Variants in COL6A6 observed in about 807,000 individuals in gnomAD.
COL6A6 encodes the protein collagen type VI alpha 6 chain.
A neutral mutation model predicts 208.6 loss-of-function variants in COL6A6; 183 were observed. That is an observed-to-expected ratio of 0.88 (90% confidence interval 0.78 to 0.99). COL6A6 has a LOEUF of 0.99. Ranked by LOEUF, COL6A6 falls within the 50% of genes least tolerant of loss-of-function variation. COL6A6 has a pLI of 0.00. For missense variants in COL6A6, 2,816 were observed against 2,815.2 expected (o/e 1.00, Z -0.01); for synonymous variants, 973 against 1,011.8 (o/e 0.96, Z 0.73).
intron 11 of COL6A6, 143 bp from the exon 12 acceptor site, chr3:130,588,947 G>A (rs2063607772): frequency 2.9e-6 from 1 of 341,352 alleles, no homozygotes; most frequent in Non-Finnish European, 5.4e-6. Context: ...AAAGTTTCAT[G>A]CATTCTTTCT....
chr3:130,636,582 A>G (rs1007083608), intron 28 of COL6A6, among the ~76,000 whole-genome samples: 1 of 152,146 alleles, frequency 6.6e-6, no homozygotes, highest in Non-Finnish European at 1.5e-5. Flanking sequence ...ATAAAAATGT[A>G]TACTTGAAAT....
chr3:130,538,260 T>C (rs559680308), intron 1 of COL6A6, among the ~76,000 whole-genome samples: 10 of 152,304 alleles, frequency 6.6e-5, no homozygotes, highest in Admixed American at 3.9e-4. Context: ...AGGGAGATAA[T>C]GGCTGTGAAA....
intron 20 of COL6A6, 112 bp from the exon 21 acceptor site, chr3:130,606,819 A>G (rs1244972543): frequency 8.4e-6 from 6 of 714,452 alleles, no homozygotes; most frequent in East Asian, 2.8e-5. Flanking sequence ...TGTAAGCACT[A>G]TGTGGGAATT....
chr3:130,554,415 G>A (rs1236314964), intron 1 of COL6A6, among the ~76,000 whole-genome samples: 1 of 152,190 alleles, frequency 6.6e-6, no homozygotes, highest in African/African-American at 2.4e-5. Flanking sequence ...AGGTGGAGGT[G>A]CTGGTGTTTC....
intron 23 of COL6A6, among the ~76,000 whole-genome samples, chr3:130,620,003 T>C (rs1204706842): frequency 2.0e-5 from 3 of 152,158 alleles, no homozygotes; most frequent in East Asian, 1.9e-4. Flanking sequence ...GACACAATTA[T>C]AGCTAATTGC....
intron 35 of COL6A6, among the ~76,000 whole-genome samples, chr3:130,664,551 AG>A (rs1404698156): frequency 2.0e-5 from 3 of 152,252 alleles, no homozygotes; most frequent in Non-Finnish European, 2.9e-5. Context: ...AAATGAAATG[AG>A]CCACTAATGA....
chr3:130,519,920 A>G (rs1710965765), intron 1 of COL6A6, among the ~76,000 whole-genome samples: 1 of 152,226 alleles, frequency 6.6e-6, no homozygotes, highest in African/African-American at 2.4e-5. Context: ...CATGGAATGT[A>G]ATACATGATT....
chr3:130,526,859 T>C (rs558877110), intron 1 of COL6A6, among the ~76,000 whole-genome samples: 40 of 152,186 alleles, frequency 2.6e-4, no homozygotes, highest in Non-Finnish European at 5.3e-4. Context: ...ACCCACTGCC[T>C]GACTGCCTAC....
At chr3:130,675,125 A>G (rs2066326091) in intron 36 of COL6A6, 77 bp from the exon 37 acceptor site, 2 of 960,202 alleles carry the variant, frequency 2.1e-6, no homozygotes, top group South Asian at 2.6e-5. Flanking sequence ...CAATTAATTT[A>G]CTATGACAGA....
Position 130,675,502 on chromosome 3 carries a change from G to A in COL6A6, c.*105G>A. On this transcript the variant is annotated 3_prime_UTR_variant, in exon 37 of 37. Transcript: ENST00000358511. Reference sequence around the variant, plus strand: ...TCAAGCAACAGTTTGTAGGTTATCAGGTGACTTGACCCCCTGCATTCATTG... The same window carrying A: ...TCAAGCAACAGTTTGTAGGTTATCAAGTGACTTGACCCCCTGCATTCATTG... 1 of 805,368 alleles carries A rather than the reference G, an allele frequency of 1.2e-6. No homozygotes were observed. 49.9% of individuals were successfully genotyped at this position (805,368 alleles called of 1,614,324 possible).
At chr3:130,654,297 AT>A (rs5852604) in intron 33 of COL6A6, among the ~76,000 whole-genome samples, 28,065 of 151,432 alleles carry the variant, frequency 0.19, 2,911 homozygotes, top group South Asian at 0.36. Context: ...ATGTTCCATG[AT>A]TTTTTTTTCC....
intron 1 of COL6A6, among the ~76,000 whole-genome samples, chr3:130,542,999 G>A (rs1033094507): frequency 6.8e-6 from 1 of 147,340 alleles, no homozygotes; most frequent in African/African-American, 2.5e-5. Context: ...TCCGCCTCCC[G>A]GGTTCAAGGG....
intron 1 of COL6A6, among the ~76,000 whole-genome samples, chr3:130,523,636 G>A (rs1466158675): frequency 6.6e-6 from 1 of 152,172 alleles, no homozygotes; most frequent in Non-Finnish European, 1.5e-5. Flanking sequence ...GATTCAGCAA[G>A]GTAGAACTAG....
chr3:130,626,155 C>T lies in COL6A6; in HGVS notation c.4879-330C>T, dbSNP rs535211207. ...AAAACTAGATTAATCAATCTGCCATCTTTGCAGAGGCCAGATGATTTGCAT... is the reference window on the plus strand; with the variant it reads ...AAAACTAGATTAATCAATCTGCCATTTTTGCAGAGGCCAGATGATTTGCAT... On this transcript the variant is annotated intron_variant, in intron 24 of 36. Transcript: ENST00000358511. Among the ~76,000 whole-genome samples the T allele has an allele frequency of 6.6e-5, 10 of 152,342 alleles. No homozygotes were observed. The East Asian group carries it at 1.2e-3, about 18-fold the overall frequency.
Position 130,662,324 on chromosome 3 carries a change from T to C in COL6A6, c.6502+16T>C. Reference sequence around the variant, plus strand: ...TCAATCAGGCGTAAGTCATAAAATCTGTTGTTCTCTGCACTTTAAGAATAT... The same window carrying C: ...TCAATCAGGCGTAAGTCATAAAATCCGTTGTTCTCTGCACTTTAAGAATAT... On this transcript the variant is annotated intron_variant, in intron 35 of 36. Coordinates refer to ENST00000358511, the MANE Select transcript of COL6A6 (RefSeq NM_001102608.3). 1 of 1,600,132 alleles carries C rather than the reference T, an allele frequency of 6.2e-7. No individual in the cohort carries two copies. Among genetic ancestry groups the C allele is most frequent in the South Asian group, 1.1e-5 (1 of 90,224 alleles).
At chr3:130,560,978 C>T (rs2062868881) in intron 2 of COL6A6, among the ~76,000 whole-genome samples, 1 of 152,238 alleles carries the variant, frequency 6.6e-6, no homozygotes, top group African/African-American at 2.4e-5. Flanking sequence ...GAGCAACTTA[C>T]ATTGGCTTTT....
At chr3:130,517,475 C>G (rs1232507868) in intron 1 of COL6A6, among the ~76,000 whole-genome samples, 78 bp downstream of exon 1, 1 of 152,228 alleles carries the variant, frequency 6.6e-6, no homozygotes, top group Non-Finnish European at 1.5e-5. Flanking sequence ...ATGGGAGGGA[C>G]CGGCCAGAAT....
chr3:130,621,541 A>G (rs1284445033), intron 23 of COL6A6, among the ~76,000 whole-genome samples: 1 of 152,238 alleles, frequency 6.6e-6, no homozygotes, highest in Non-Finnish European at 1.5e-5. Flanking sequence ...CATTTTAACA[A>G]CATCTGTTCT....
intron 32 of COL6A6, among the ~76,000 whole-genome samples, chr3:130,647,342 C>T (rs1559784788): frequency 2.0e-5 from 3 of 152,038 alleles, no homozygotes; most frequent in Admixed American, 1.3e-4. Flanking sequence ...GAACCTTCAC[C>T]CACCCTTCTC....
Sources: allele counts gnomAD v4.1 joint callset (sites outside exome capture counted in the v4.1 genomes callset), GRCh38; gene constraint gnomAD v4.1.1; transcripts MANE v1.5; gene names NCBI Gene and HGNC (gene_info 2026-07-23, HGNC 2026-07-21).